The following TTF2 variants were observed in gnomAD, a reference collection of about 807,000 sequenced individuals.
The protein encoded by TTF2 is RNA polymerase II termination factor.
Under a neutral mutation model 142.4 loss-of-function variants are expected in TTF2, and 108 were observed. That is an observed-to-expected ratio of 0.76 (90% confidence interval 0.65 to 0.89). The LOEUF (loss-of-function observed/expected upper bound fraction) is 0.89, where lower values mean the gene tolerates loss of function less well. Ranked by LOEUF, TTF2 falls within the 40% of genes least tolerant of loss-of-function variation. The pLI is 0.00. For missense variants in TTF2, 1,327 were observed against 1,379.8 expected (o/e 0.96, Z 0.61); for synonymous variants, 483 against 506.2 (o/e 0.95, Z 0.61).
chr1:117,101,069 G>T lies in TTF2; in HGVS notation c.3345-311G>T, dbSNP rs1356215633. ...GAGGCCTTATGGACTTACCAAGGTA[G>T]AACTTTTTGGGTAAAAGCTGGATCT... is the stretch of plus-strand genomic sequence containing the variant. On this transcript the variant is annotated intron_variant, in intron 22 of 22. Coordinates refer to ENST00000369466, the MANE Select transcript of TTF2 (RefSeq NM_003594.4). The surrounding 1 kb of genome is among the most constrained non-coding windows in gnomAD (Gnocchi z 5.9). 6.6e-6 allele frequency among the ~76,000 whole-genome samples: 1 copy of T among 152,238 alleles called. No individual in the cohort carries two copies. Among genetic ancestry groups the T allele is most frequent in the Admixed American group, 6.5e-5 (1 of 15,284 alleles).
intron 3 of TTF2, among the ~76,000 whole-genome samples, chr1:117,069,633 A>G (rs1393983189): frequency 3.3e-5 from 5 of 152,232 alleles, no homozygotes; most frequent in Admixed American, 1.3e-4. Context: ...GCCATTTTAC[A>G]GAACAGGAAA....
In TTF2 at chr1:117,095,383, C is replaced by T. The variant is rs116499269; in HGVS notation, c.3035+16C>T. 1.6e-3 allele frequency: 2,594 copies of T among 1,612,766 alleles called. 22 individuals are homozygous for T. In the African/African-American group the frequency reaches 0.027, roughly 17 times the overall value. ...CCCAAAAGAGGTAACTGCGTTTTCT[C>T]ATTATCCAAGTATTGGTCATAATTA... On this transcript the variant is annotated intron_variant, in intron 19 of 22. Transcript: ENST00000369466.
intron 3 of TTF2, among the ~76,000 whole-genome samples, chr1:117,071,723 A>G (rs1159214713): frequency 6.6e-6 from 1 of 152,200 alleles, no homozygotes; most frequent in Non-Finnish European, 1.5e-5. Flanking sequence ...TTTATGCAGC[A>G]ATACTTAATT....
Position 117,090,282 on chromosome 1 carries a change from A to AGCCATCT in TTF2, c.2496+77_2496+83dup, listed in dbSNP as rs1415831175. On this transcript the variant is annotated intron_variant, in intron 14 of 22. Coordinates refer to ENST00000369466, the MANE Select transcript of TTF2 (RefSeq NM_003594.4). This position sits in a 1 kb window ranked among gnomAD's most constrained non-coding sequence, Gnocchi z 4.8. ...ACTGTGTCCTTGTCTTGGGTTGAACAGCCATCTGCTTTGCTTCAGGAGCCT... is the reference window on the plus strand; with the variant it reads ...ACTGTGTCCTTGTCTTGGGTTGAACAGCCATCTGCCATCTGCTTTGCTTCAGGAGCCT... The AGCCATCT allele has an allele frequency of 2.1e-5, 33 of 1,551,334 alleles. No homozygotes were observed. The highest frequency in any genetic ancestry group is 2.7e-5 in the Non-Finnish European group (31 of 1,150,388).
chr1:117,092,679 A>G lies in TTF2; in HGVS notation c.2806-52A>G. On this transcript the variant is annotated intron_variant, in intron 17 of 22. Coordinates refer to ENST00000369466, the MANE Select transcript of TTF2 (RefSeq NM_003594.4). The surrounding 1 kb of genome is among the most constrained non-coding windows in gnomAD (Gnocchi z 4.4). ...AATCAAAACATCATCAACAAGTAAC[A>G]AGGTTTGCTCCCTTGACTCCCAGCT... The G allele has an allele frequency of 1.3e-6, 2 of 1,566,608 alleles. No individual in the cohort carries two copies. Among genetic ancestry groups the G allele is most frequent in the South Asian group, 1.2e-5 (1 of 84,554 alleles).
Position 117,093,028 on chromosome 1 carries a change from A to T in TTF2, c.2976+127A>T. On this transcript the variant is annotated intron_variant, in intron 18 of 22. Transcript: ENST00000369466. This position sits in a 1 kb window ranked among gnomAD's most constrained non-coding sequence, Gnocchi z 4.5. ...AGCAGAGCTAGAGCCGTTAAATTCT[A>T]GCTGATCAGATTCTCCCTCCAGTCT... The T allele has an allele frequency of 9.5e-7, 1 of 1,048,774 alleles. No individual in the cohort carries two copies. Among genetic ancestry groups the T allele is most frequent in the South Asian group, 1.6e-5 (1 of 63,352 alleles). 65.0% of individuals were successfully genotyped at this position (1,048,774 alleles called of 1,614,324 possible).
At position 117,076,718 on chromosome 1, in the gene TTF2, G is replaced by A. The variant is rs758481856; in HGVS notation, c.1468G>A (p.Val490Met). Residue 490 changes from valine to methionine, a missense_variant, in exon 7 of 23, where the codon GTG (valine) becomes ATG (methionine). Physicochemically the swap from Val to Met is conservative, Grantham distance 21. Coordinates refer to ENST00000369466, the MANE Select transcript of TTF2 (RefSeq NM_003594.4). The surrounding 1 kb of genome is among the most constrained non-coding windows in gnomAD (Gnocchi z 4.6). ...AACTACCACTGGCCCTCCCCACCTG[G>A]TGCCTCCCCAACCCCTTCCTCGTCG... ...TKTTTGPPHL[V>M]PPQPLPRRGT... is the part of the protein sequence containing the mutation. 7 of 1,614,068 alleles carry A rather than the reference G, an allele frequency of 4.3e-6. No homozygotes were observed. The highest frequency in any genetic ancestry group is 2.2e-5 in the East Asian group (1 of 44,868).
At chr1:117,098,976 G>A (rs1035702156) in intron 22 of TTF2, 69 bp downstream of exon 22, 2 of 1,415,858 alleles carry the variant, frequency 1.4e-6, no homozygotes, top group East Asian at 2.4e-5. Context: ...TCTTTCTTAG[G>A]TAGTGTTTTC....
chr1:117,092,016 A>G lies in TTF2; in HGVS notation c.2805+66A>G. 6.8e-7 allele frequency: 1 copy of G among 1,479,838 alleles called. No individual in the cohort carries two copies. The highest frequency in any genetic ancestry group is 9.1e-7 in the Non-Finnish European group (1 of 1,096,002). The allele number at this position is 1,479,838 out of a possible 1,614,324, so 91.7% of individuals were successfully genotyped here. A position where few individuals can be genotyped will look rare whatever the true frequency, so the allele number is the denominator to read the frequency against. ...AGGGGCCACCTGAGAAGTCAATTTC[A>G]CTCTCCTCCAACTGGAATCCAGTCT... is the stretch of plus-strand genomic sequence containing the variant. On this transcript the variant is annotated intron_variant, in intron 17 of 22. Coordinates refer to ENST00000369466, the MANE Select transcript of TTF2 (RefSeq NM_003594.4). The surrounding 1 kb of genome is among the most constrained non-coding windows in gnomAD (Gnocchi z 4.4).
intron 18 of TTF2, among the ~76,000 whole-genome samples, chr1:117,094,925 A>AG (rs1648975781): frequency 6.6e-6 from 1 of 152,114 alleles, no homozygotes; most frequent in Admixed American, 6.5e-5. Context: ...AGGGTGTTCT[A>AG]GGCAGAGGGA....
rs764514751 is a variant in TTF2, at chr1:117,098,831, A to G, written c.3270-2A>G. ...CTTTGAGCTTTAGCTGTCTTCTAAC[A>G]GGAATCCATCACTTGAAGATCAAGC... On this transcript the variant is annotated splice_acceptor_variant, in intron 21 of 22. Transcript: ENST00000369466. LOFTEE classifies it high-confidence loss of function. The G allele has an allele frequency of 6.2e-7, 1 of 1,611,436 alleles. No homozygotes were observed. The highest frequency in any genetic ancestry group is 8.5e-7 in the Non-Finnish European group (1 of 1,179,256).
rs2101161897 is a variant in TTF2, at chr1:117,093,563, T to C, written c.2976+662T>C. Among the ~76,000 whole-genome samples the C allele has an allele frequency of 6.6e-6, 1 of 152,286 alleles. No homozygotes were observed. Among genetic ancestry groups the C allele is most frequent in the South Asian group, 2.1e-4 (1 of 4,822 alleles). ...GCTCAACCTCTCTTCAAAGGCTTTTTTTGAAAAAGTGTATTAATAACTAGA... is the reference window on the plus strand; with the variant it reads ...GCTCAACCTCTCTTCAAAGGCTTTTCTTGAAAAAGTGTATTAATAACTAGA... On this transcript the variant is annotated intron_variant, in intron 18 of 22. Coordinates refer to ENST00000369466, the MANE Select transcript of TTF2 (RefSeq NM_003594.4). The surrounding 1 kb of genome is among the most constrained non-coding windows in gnomAD (Gnocchi z 4.5).
At chr1:117,077,443 G>A (rs894391952) in intron 7 of TTF2, among the ~76,000 whole-genome samples, 1 of 152,150 alleles carries the variant, frequency 6.6e-6, no homozygotes, top group Admixed American at 6.5e-5. Context: ...ACTCTAGCTC[G>A]CATCATTATG....
rs978101810 is a variant in TTF2 at position 117,104,114 on chromosome 1, A to G, written c.*2590A>G. ...AACATTGCCTTTTTGAAGTTTTGCT[A>G]TAAGATTGACATACCAAGGTAAAGA... is the stretch of plus-strand genomic sequence containing the variant. On this transcript the variant is annotated 3_prime_UTR_variant, in exon 23 of 23. Transcript: ENST00000369466. The G allele has an allele frequency of 1.3e-5, 2 of 152,252 alleles. No individual in the cohort carries two copies. Among genetic ancestry groups the G allele is most frequent in the South Asian group, 2.1e-4 (1 of 4,830 alleles). The allele number at this position is 152,252 out of a possible 1,614,324, so 9.4% of individuals were successfully genotyped here.
Position 117,090,750 on chromosome 1 carries a change from CTTT to C in TTF2, c.2588+136_2588+138del. On this transcript the variant is annotated intron_variant, in intron 15 of 22. Transcript: ENST00000369466. The surrounding 1 kb of genome is among the most constrained non-coding windows in gnomAD (Gnocchi z 4.8). ...TTGATTAGTTGGATGTCTGTATTCCCTTTTTTTTTTTACCCCATTTTTCTCCTT... is the reference window on the plus strand; with the variant it reads ...TTGATTAGTTGGATGTCTGTATTCCCTTTTTTTTACCCCATTTTTCTCCTT... The C allele has an allele frequency of 6.5e-6, 4 of 614,912 alleles. No individual in the cohort carries two copies. The highest frequency in any genetic ancestry group is 1.0e-5 in the Non-Finnish European group (4 of 386,168). 38.1% of individuals were successfully genotyped at this position (614,912 alleles called of 1,614,324 possible). A position where few individuals can be genotyped will look rare whatever the true frequency, so the allele number is the denominator to read the frequency against.
At chr1:117,072,404 A>G (rs1412333929) in intron 3 of TTF2, among the ~76,000 whole-genome samples, 1 of 148,972 alleles carries the variant, frequency 6.7e-6, no homozygotes. Context: ...TTTAGTATGT[A>G]GCTTTAAAAG....
Position 117,075,542 on chromosome 1 carries a change from C to T in TTF2, c.958C>T (p.His320Tyr). 1.9e-6 allele frequency: 3 copies of T among 1,614,150 alleles called. No individual in the cohort carries two copies. Among genetic ancestry groups the T allele is most frequent in the Non-Finnish European group, 2.5e-6 (3 of 1,180,028 alleles). The change falls in exon 5 of 23, where the codon CAC (histidine) becomes TAC (tyrosine). Residue 320 changes from histidine (H) to tyrosine (Y), a missense_variant. His to Tyr is a moderately conservative substitution (Grantham distance 83, BLOSUM62 2). Transcript: ENST00000369466. This position sits in a 1 kb window ranked among gnomAD's most constrained non-coding sequence, Gnocchi z 4.5. Reference protein sequence around the residue: ...QGHFQERPETHSVPAPGGPAA... With the variant: ...QGHFQERPETYSVPAPGGPAA... ...GCATTTCCAAGAGCGGCCGGAGACC[C>T]ACAGTGTGCCTGCTCCTGGAGGACC...
Position 117,096,442 on chromosome 1 carries a change from A to T in TTF2, c.3186+143A>T, listed in dbSNP as rs1649159588. On this transcript the variant is annotated intron_variant, in intron 20 of 22. Transcript: ENST00000369466. ...GCCCAGGCTGGACTGCAATAGTGCT[A>T]TCTTGGCTCACCGCAACCTCCGCCT... 5 of 1,054,424 alleles carry T rather than the reference A, an allele frequency of 4.7e-6. No homozygotes were observed. The East Asian group carries it at 1.1e-4, about 22-fold the overall frequency. The allele number at this position is 1,054,424 out of a possible 1,614,324, so 65.3% of individuals were successfully genotyped here. A position where few individuals can be genotyped will look rare whatever the true frequency, so the allele number is the denominator to read the frequency against.
At chr1:117,081,477 C>T (rs775693938) in intron 9 of TTF2, among the ~76,000 whole-genome samples, 29 of 152,160 alleles carry the variant, frequency 1.9e-4, no homozygotes, top group Non-Finnish European at 3.4e-4. Flanking sequence ...ATCTACTGGA[C>T]ATTTTTTGCT....
Sources: gnomAD v4.1 joint callset for allele counts (sites outside exome capture counted in the v4.1 genomes callset) on GRCh38, gnomAD v4.1.1 for gene constraint, Gnocchi (gnomAD v3.1) non-coding constraint, MANE v1.5 for transcripts, NCBI Gene and HGNC (gene_info 2026-07-23, HGNC 2026-07-21) for gene names.